Variants in WDR70 observed in about 807,000 individuals in gnomAD.
WDR70 encodes the protein WD repeat-containing protein 70.
In WDR70, 53 loss-of-function variants were observed where a neutral mutation model predicts 88.6. The observed-to-expected ratio is 0.60, with a 90% CI of 0.48 to 0.75. WDR70 has a LOEUF of 0.75. Among genes scored for constraint, WDR70 ranks in the 30% least tolerant of loss-of-function variants. The pLI is 0.00. For missense variants in WDR70, 610 were observed against 823.2 expected, an observed-to-expected ratio of 0.74 and a Z score of 3.17; for synonymous variants, 280 against 270.0, an observed-to-expected ratio of 1.04 and a Z score of -0.36.
chr5:37,624,402 G>A (rs1024262465), intron 10 of WDR70, among the ~76,000 whole-genome samples: 1 of 152,144 alleles, frequency 6.6e-6, no homozygotes, highest in South Asian at 2.1e-4. Flanking sequence ...GTAGTATTCC[G>A]TAGTGCATAT....
At chr5:37,532,920 G>T (rs1452062101) in intron 9 of WDR70, among the ~76,000 whole-genome samples, 1 of 152,116 alleles carries the variant, frequency 6.6e-6, no homozygotes, top group Non-Finnish European at 1.5e-5. Flanking sequence ...GGGATTCAAG[G>T]TGGCTGTTCA....
At chr5:37,602,602 GGT>G (rs2112471227) in intron 9 of WDR70, among the ~76,000 whole-genome samples, 1 of 151,688 alleles carries the variant, frequency 6.6e-6, no homozygotes, top group South Asian at 2.1e-4. Flanking sequence ...CTCCAGCTTG[GGT>G]GAGAGAGTGA....
rs1392250925 is a variant in WDR70 at position 37,554,330 on chromosome 5, C to G, written c.917+37740C>G. ...CATAAAATATATGTGTATGTGCTGG[C>G]CTACTGTCTTACAGAGGGCTAAATA... is the stretch of plus-strand genomic sequence containing the variant. On this transcript the variant is annotated intron_variant, in intron 9 of 17. Transcript: ENST00000265107. Among the ~76,000 whole-genome samples, 3 of 151,942 alleles carry G rather than the reference C, an allele frequency of 2.0e-5. No homozygotes were observed. In the East Asian group the frequency reaches 5.8e-4, roughly 29 times the overall value.
At chr5:37,623,411 TC>T (rs1336942077) in intron 10 of WDR70, among the ~76,000 whole-genome samples, 1 of 152,280 alleles carries the variant, frequency 6.6e-6, no homozygotes, top group East Asian at 1.9e-4. Flanking sequence ...CTAGATGCTT[TC>T]AGAGTTTTAA....
chr5:37,617,169 A>G (rs1382152981), intron 10 of WDR70, among the ~76,000 whole-genome samples: 1 of 152,224 alleles, frequency 6.6e-6, no homozygotes, highest in Non-Finnish European at 1.5e-5. Flanking sequence ...CATGTTTTAG[A>G]TGAGAAAACT....
intron 9 of WDR70, among the ~76,000 whole-genome samples, chr5:37,530,773 G>GTTTTTTTTTTT (rs57043165): frequency 2.3e-5 from 3 of 127,948 alleles, no homozygotes; most frequent in Non-Finnish European, 3.4e-5. Flanking sequence ...TTTATCTTTT[G>GTTTTTTTTTTT]TTTTTTTTTT....
chr5:37,747,322 C>A lies in WDR70; in HGVS notation c.1878-5164C>A, dbSNP rs1311761842. Reference sequence around the variant, plus strand: ...AAATGCAAATAAAACCACGAGATACCATCTCACACCAGTCAGAATGATGAT... The same window carrying A: ...AAATGCAAATAAAACCACGAGATACAATCTCACACCAGTCAGAATGATGAT... On this transcript the variant is annotated intron_variant, in intron 17 of 17. Coordinates refer to ENST00000265107, the MANE Select transcript of WDR70 (RefSeq NM_018034.4). Among the ~76,000 whole-genome samples, 4 of 152,108 alleles carry A rather than the reference C, an allele frequency of 2.6e-5. No individual in the cohort carries two copies. In the East Asian group the frequency reaches 7.7e-4, roughly 29 times the overall value.
chr5:37,518,322 C>A (rs1384266173), intron 9 of WDR70, among the ~76,000 whole-genome samples: 1 of 151,438 alleles, frequency 6.6e-6, no homozygotes, highest in Non-Finnish European at 1.5e-5. Flanking sequence ...TTTTTTTAAC[C>A]CATTAACCAT....
chr5:37,694,979 A>G (rs1034041210), intron 10 of WDR70, among the ~76,000 whole-genome samples: 3 of 152,158 alleles, frequency 2.0e-5, no homozygotes, highest in African/African-American at 7.2e-5. Flanking sequence ...TCCCATTGCT[A>G]GAAAGAAATA....
chr5:37,707,951 ATATATATATATATAT>A (rs1747404463), intron 13 of WDR70, among the ~76,000 whole-genome samples: 27 of 20,006 alleles, frequency 1.3e-3, no homozygotes, highest in East Asian at 6.7e-3. Flanking sequence ...AAAAAAAAAT[ATATATATATATATAT>A]ATATATATAT....
chr5:37,743,137 C>T (rs1288370703), intron 17 of WDR70, among the ~76,000 whole-genome samples: 2 of 152,242 alleles, frequency 1.3e-5, no homozygotes, highest in African/African-American at 4.8e-5. Context: ...GACTAGAAGG[C>T]TGGTGTGTCC....
intron 9 of WDR70, among the ~76,000 whole-genome samples, chr5:37,524,421 A>G (rs1226887855): frequency 6.6e-6 from 1 of 152,198 alleles, no homozygotes; most frequent in Non-Finnish European, 1.5e-5. Flanking sequence ...TTTACAGACA[A>G]GCAAATGCTG....
chr5:37,551,675 C>G (rs1386232955), intron 9 of WDR70, among the ~76,000 whole-genome samples: 1 of 148,598 alleles, frequency 6.7e-6, no homozygotes, highest in East Asian at 2.0e-4. Context: ...TTGCAGTGAG[C>G]TGAGACTGTG....
intron 9 of WDR70, among the ~76,000 whole-genome samples, chr5:37,576,035 C>T (rs1743039404): frequency 1.3e-5 from 2 of 150,658 alleles, no homozygotes; most frequent in African/African-American, 4.9e-5. Context: ...GATTTCCTTC[C>T]TTCCTTCCTT....
chr5:37,689,129 G>A (rs1431598716), intron 10 of WDR70, among the ~76,000 whole-genome samples: 1 of 152,246 alleles, frequency 6.6e-6, no homozygotes, highest in Non-Finnish European at 1.5e-5. Context: ...AGCCTGGCTG[G>A]GGGAGGGGCG....
At chr5:37,479,688 A>G in intron 7 of WDR70, 146 bp from the exon 8 acceptor site, 1 of 952,874 alleles carries the variant, frequency 1.0e-6, no homozygotes. Flanking sequence ...GGTATTTAGA[A>G]CCCATTTGAG....
intron 10 of WDR70, among the ~76,000 whole-genome samples, chr5:37,613,215 A>T (rs2112490584): frequency 6.6e-6 from 1 of 152,302 alleles, no homozygotes; most frequent in South Asian, 2.1e-4. Flanking sequence ...GACTCTGAAT[A>T]ATATAATAAT....
At chr5:37,624,173 A>G (rs1744599451) in intron 10 of WDR70, among the ~76,000 whole-genome samples, 1 of 152,268 alleles carries the variant, frequency 6.6e-6, no homozygotes, top group East Asian at 1.9e-4. Context: ...AATTTTGTTT[A>G]TCTGTTAACA....
At chr5:37,379,581 C>T in intron 2 of WDR70, 27 bp downstream of exon 2, 1 of 1,613,092 alleles carries the variant, frequency 6.2e-7, no homozygotes, top group South Asian at 1.1e-5. Flanking sequence ...GGCAGAGACC[C>T]TCTTCCTTGT....
Sources: gnomAD v4.1 joint callset for allele counts (sites outside exome capture counted in the v4.1 genomes callset) on GRCh38, gnomAD v4.1.1 for gene constraint, MANE v1.5 for transcripts, NCBI Gene and HGNC (gene_info 2026-07-23, HGNC 2026-07-21) for gene names.